The following TRAK2 variants were observed in gnomAD, a reference collection of about 807,000 sequenced individuals.
The protein encoded by TRAK2 is trafficking kinesin protein 2.
Under a neutral mutation model 104.6 loss-of-function variants are expected in TRAK2, and 81 were observed. The ratio of observed to expected loss-of-function variants is 0.77; its 90% confidence interval spans 0.65 to 0.93. The LOEUF (loss-of-function observed/expected upper bound fraction) is 0.93. Ranked by LOEUF, TRAK2 falls within the 40% of genes least tolerant of loss-of-function variation. The pLI is 0.00. For missense variants in TRAK2, 1,002 were observed against 1,089.0 expected (o/e 0.92, Z 1.12); for synonymous variants, 406 against 394.4 (o/e 1.03, Z -0.35).
At chr2:201,435,050 T>C (rs1951871227) in intron 1 of TRAK2, among the ~76,000 whole-genome samples, 1 of 152,120 alleles carries the variant, frequency 6.6e-6, no homozygotes, top group African/African-American at 2.4e-5. Context: ...TAAGGCATTC[T>C]TGATTTCTTT....
At chr2:201,448,692 G>C (rs1414803140) in intron 1 of TRAK2, among the ~76,000 whole-genome samples, 2 of 152,020 alleles carry the variant, frequency 1.3e-5, no homozygotes, top group South Asian at 2.1e-4. Flanking sequence ...ACATATTTGG[G>C]GCACTAAAGC....
At position 201,384,493 on chromosome 2, in the gene TRAK2, A is replaced by C. The variant is rs376961145; in HGVS notation, c.1964-277T>G. ...AAATACATTAAAAAAATCAAGATCT[A>C]GTATCCAAATGATTCAGCCAAATTT... On this transcript the variant is annotated intron_variant, in intron 14 of 15. Coordinates refer to ENST00000332624, the MANE Select transcript of TRAK2 (RefSeq NM_015049.3). Among the ~76,000 whole-genome samples, 12 of 152,256 alleles carry C rather than the reference A, an allele frequency of 7.9e-5. No homozygotes were observed. The South Asian group carries it at 2.5e-3, about 32-fold the overall frequency.
chr2:201,420,277 T>G, intron 2 of TRAK2, 140 bp downstream of exon 2: 1 of 644,606 alleles, frequency 1.6e-6, no homozygotes, highest in South Asian at 1.9e-5. Context: ...ATGGAGAGAT[T>G]AATTCAGTTT....
At chr2:201,448,061 A>G (rs1433584289) in intron 1 of TRAK2, among the ~76,000 whole-genome samples, 3 of 152,270 alleles carry the variant, frequency 2.0e-5, no homozygotes, top group African/African-American at 7.2e-5. Flanking sequence ...GGAAAATGAA[A>G]GAAAGAACAG....
chr2:201,410,219 G>A (rs1488136019), intron 2 of TRAK2, among the ~76,000 whole-genome samples: 5 of 151,830 alleles, frequency 3.3e-5, no homozygotes. Flanking sequence ...GGAGAATGGC[G>A]TGAACCCGCC....
At chr2:201,437,272 C>T (rs1951885970) in intron 1 of TRAK2, among the ~76,000 whole-genome samples, 1 of 152,128 alleles carries the variant, frequency 6.6e-6, no homozygotes, top group Non-Finnish European at 1.5e-5. Flanking sequence ...CTCTCTTCCT[C>T]TACCTGCGTT....
Position 201,382,824 on chromosome 2 carries a change from TACATGGCTAACCTTAGCAAGCTA to T in TRAK2, c.2069+1264_2069+1286del, listed in dbSNP as rs552998455. Among the ~76,000 whole-genome samples the T allele has an allele frequency of 2.0e-5, 3 of 152,332 alleles. No individual in the cohort carries two copies. In the South Asian group the frequency reaches 6.2e-4, roughly 32 times the overall value. The stretch of plus-strand genomic sequence containing the variant: ...GGCAGCTAGAAAGTTAAGACTCAAA[TACATGGCTAACCTTAGCAAGCTA>T]ACATGGCTAACATAAGACTTTATGG... On this transcript the variant is annotated intron_variant, in intron 15 of 15. Coordinates refer to ENST00000332624, the MANE Select transcript of TRAK2 (RefSeq NM_015049.3).
chr2:201,393,067 G>A (rs578145687), intron 9 of TRAK2, 21 bp from the exon 10 acceptor site: 1 of 1,587,288 alleles, frequency 6.3e-7, no homozygotes, highest in South Asian at 1.1e-5. Context: ...GGATGGTAGT[G>A]TACTTTATTG....
At chr2:201,440,353 G>A (rs1458686466) in intron 1 of TRAK2, among the ~76,000 whole-genome samples, 2 of 152,122 alleles carry the variant, frequency 1.3e-5, no homozygotes, top group African/African-American at 4.8e-5. Flanking sequence ...CAGATAAGCA[G>A]GTTATCAGAA....
intron 1 of TRAK2, among the ~76,000 whole-genome samples, chr2:201,439,309 C>T (rs561411399): frequency 4.6e-5 from 7 of 152,144 alleles, no homozygotes; most frequent in East Asian, 1.9e-4. Flanking sequence ...CTAAGCTCAT[C>T]GGTTACTCTG....
chr2:201,408,015 T>C (rs530895369), intron 2 of TRAK2, among the ~76,000 whole-genome samples: 15 of 152,322 alleles, frequency 9.8e-5, no homozygotes, highest in South Asian at 4.1e-4. Context: ...CTACCTTTTA[T>C]CTATTTGAAA....
Position 201,381,086 on chromosome 2 carries a change from G to A in TRAK2, c.2202C>T (p.Thr734=). The A allele has an allele frequency of 6.2e-7, 1 of 1,613,960 alleles. No homozygotes were observed. Among genetic ancestry groups the A allele is most frequent in the Non-Finnish European group, 8.5e-7 (1 of 1,179,948 alleles). ...TGGCCAAGCTCATGGTGCTACTGAA[G>A]GTTGTAGTGGAATCTCGTCGGTTGG... ...SITNRRDSTT[T]FSSTMSLAKL... The change falls in exon 16 of 16, where the codon ACC becomes ACT. Residue 734 remains threonine, a synonymous_variant. Transcript: ENST00000332624.
At chr2:201,409,484 A>T in intron 2 of TRAK2, among the ~76,000 whole-genome samples, 1 of 152,234 alleles carries the variant, frequency 6.6e-6, no homozygotes, top group Non-Finnish European at 1.5e-5. Context: ...TTTGTCAAAT[A>T]TCCAAACAAA....
intron 1 of TRAK2, among the ~76,000 whole-genome samples, chr2:201,441,675 G>A (rs970155817): frequency 6.6e-6 from 1 of 151,022 alleles, no homozygotes; most frequent in African/African-American, 2.4e-5. Flanking sequence ...CAGACAGTGT[G>A]CTCTTTCTTT....
intron 1 of TRAK2, among the ~76,000 whole-genome samples, chr2:201,431,726 A>G (rs1559453118): frequency 1.3e-5 from 2 of 152,204 alleles, no homozygotes; most frequent in Non-Finnish European, 2.9e-5. Context: ...CAAGAACTGC[A>G]TATCTTTGAG....
Position 201,412,819 on chromosome 2 carries a change from A to C in TRAK2, c.92-5222T>G, listed in dbSNP as rs892060937. ...TTTCACACTGCTATGCAAGAATGACAATCCTTTAGAAACCTGAAGCAAACC... is the reference window on the plus strand; with the variant it reads ...TTTCACACTGCTATGCAAGAATGACCATCCTTTAGAAACCTGAAGCAAACC... On this transcript the variant is annotated intron_variant, in intron 2 of 15. Coordinates refer to ENST00000332624, the MANE Select transcript of TRAK2 (RefSeq NM_015049.3). 4 of 941,546 alleles carry C rather than the reference A, an allele frequency of 4.2e-6. No individual in the cohort carries two copies. In the African/African-American group the frequency reaches 6.5e-5, roughly 15 times the overall value. The allele number at this position is 941,546 out of a possible 1,614,324, so 58.3% of individuals were successfully genotyped here. A position where few individuals can be genotyped will look rare whatever the true frequency, so the allele number is the denominator to read the frequency against.
At chr2:201,397,889 T>C in intron 6 of TRAK2, 1 of 559,072 alleles carries the variant, frequency 1.8e-6, no homozygotes, top group Non-Finnish European at 3.2e-6. Flanking sequence ...AACTACTTAG[T>C]TACTTGCGTA....
rs970489968 is a variant in TRAK2, at chr2:201,387,795, C to A, written c.1604G>T (p.Cys535Phe). 1.2e-6 allele frequency: 2 copies of A among 1,614,014 alleles called. No individual in the cohort carries two copies. Among genetic ancestry groups the A allele is most frequent in the Admixed American group, 3.3e-5 (2 of 60,010 alleles). Residue 535 changes from cysteine (C) to phenylalanine (F), a missense_variant, in exon 13 of 16, where the codon TGC (cysteine) becomes TTC (phenylalanine). Physicochemically the swap from Cys to Phe is radical, Grantham distance 205. Transcript: ENST00000332624. ...VTPTESLASL[C>F]TTQSEITDLS... ...GTCTGTGATCTCTGACTGGGTGGTG[C>A]AGAGAGAGGCAAGGCTCTCTGTCGG...
Position 201,380,637 on chromosome 2 carries a change from A to C in TRAK2, c.2651T>G (p.Leu884Arg). The C allele has an allele frequency of 6.2e-7, 1 of 1,614,034 alleles. No homozygotes were observed. The highest frequency in any genetic ancestry group is 8.5e-7 in the Non-Finnish European group (1 of 1,179,972). ...GACTGGAAGACTCTGATTCCTCCTT[A>C]GTCCACCTAATAAACTGCTACCTGA... ...LNSGSSLLGG[L>R]RRNQSLPVIM... The change falls in exon 16 of 16, where the codon CTA becomes CGA. Residue 884 changes from leucine to arginine, a missense_variant. Transcript: ENST00000332624.
Sources: allele counts gnomAD v4.1 joint callset (sites outside exome capture counted in the v4.1 genomes callset), GRCh38; gene constraint gnomAD v4.1.1; transcripts MANE v1.5; gene names NCBI Gene and HGNC (gene_info 2026-07-23, HGNC 2026-07-21).